Variants in KCTD1 observed in about 807,000 individuals in gnomAD.
The protein encoded by KCTD1 is potassium channel tetramerization domain containing 1, also known as BTB/POZ domain-containing protein KCTD1.
In KCTD1, 24 loss-of-function variants were observed where a neutral mutation model predicts 66.0. The observed-to-expected ratio is 0.36, with a 90% CI of 0.26 to 0.51. The LOEUF (loss-of-function observed/expected upper bound fraction) is 0.51. KCTD1 is among the 20% of genes least tolerant of loss of function. KCTD1 has a pLI of 0.95. For synonymous variants in KCTD1, 511 were observed against 517.2 expected (o/e 0.99, Z 0.16); for missense variants, 943 against 1,205.2 (o/e 0.78, Z 3.22).
chr18:26,477,023 T>C (rs1981384669), intron 2 of KCTD1: 1 of 170,618 alleles, frequency 5.9e-6, no homozygotes, highest in Non-Finnish European at 1.2e-5. Context: ...CAAAGCATCT[T>C]TGAAACAGGT....
chr18:26,634,853 G>A (rs558426756), intron 1 of KCTD1, among the ~76,000 whole-genome samples: 9 of 152,218 alleles, frequency 5.9e-5, no homozygotes, highest in East Asian at 1.9e-4. Flanking sequence ...ATCTGAATGC[G>A]GGCAGTCTAA....
chr18:26,603,199 G>C (rs2144974325), intron 1 of KCTD1, among the ~76,000 whole-genome samples: 1 of 152,268 alleles, frequency 6.6e-6, no homozygotes, highest in East Asian at 1.9e-4. Context: ...GGAGGCTGAG[G>C]CAGGTGGATT....
upstream of KCTD1, among the ~76,000 whole-genome samples, chr18:26,641,556 C>G (rs1987834142): frequency 6.6e-6 from 1 of 152,100 alleles, no homozygotes; most frequent in Admixed American, 6.5e-5. Context: ...CCCCACTGGT[C>G]TCCATTGCAG....
intron 1 of KCTD1, among the ~76,000 whole-genome samples, chr18:26,650,631 G>A (rs1988013226): frequency 6.6e-6 from 1 of 152,188 alleles, no homozygotes; most frequent in African/African-American, 2.4e-5. Flanking sequence ...AGATGGAGTG[G>A]GATTTGCATA....
chr18:26,487,855 GA>G (rs1981994658), intron 2 of KCTD1, among the ~76,000 whole-genome samples: 1 of 152,132 alleles, frequency 6.6e-6, no homozygotes, highest in African/African-American at 2.4e-5. Context: ...GCCCTAACCT[GA>G]AAATCATTTC....
intron 1 of KCTD1, among the ~76,000 whole-genome samples, chr18:26,626,740 G>C (rs1293683345): frequency 6.6e-6 from 1 of 152,086 alleles, no homozygotes; most frequent in Non-Finnish European, 1.5e-5. Flanking sequence ...CTTCCAAAGT[G>C]CTGGGAATAT....
At chr18:26,656,497 G>A (rs1000129241) in intron 1 of KCTD1, among the ~76,000 whole-genome samples, 2 of 152,056 alleles carry the variant, frequency 1.3e-5, no homozygotes, top group African/African-American at 4.8e-5. Flanking sequence ...GGGCTTTAAA[G>A]GCGCCTGGGT....
chr18:26,601,326 TAAAAA>T (rs61521451), intron 1 of KCTD1, among the ~76,000 whole-genome samples: 64 of 93,264 alleles, frequency 6.9e-4, no homozygotes, highest in African/African-American at 2.1e-3. Flanking sequence ...TGTTCATTGG[TAAAAA>T]AAAAAAAAAA....
At chr18:26,589,877 G>A (rs1381879593) in intron 1 of KCTD1, among the ~76,000 whole-genome samples, 1 of 152,084 alleles carries the variant, frequency 6.6e-6, no homozygotes, top group Non-Finnish European at 1.5e-5. Flanking sequence ...GGATGCATGG[G>A]AAGAAACAGC....
upstream of KCTD1, chr18:26,549,555 C>T (rs929296775): frequency 9.0e-6 from 7 of 776,556 alleles, no homozygotes; most frequent in Non-Finnish European, 9.4e-6. Flanking sequence ...GCCCAGGGCG[C>T]CGCCCTCCCT....
At chr18:26,564,632 G>C (rs1985938936) in intron 1 of KCTD1, among the ~76,000 whole-genome samples, 1 of 152,150 alleles carries the variant, frequency 6.6e-6, no homozygotes, top group African/African-American at 2.4e-5. Flanking sequence ...ACTCATGCCT[G>C]TAATCCCAGC....
intron 1 of KCTD1, among the ~76,000 whole-genome samples, chr18:26,577,735 G>T (rs1362660445): frequency 2.0e-5 from 3 of 151,418 alleles, no homozygotes. Context: ...GTTTTTTTTT[G>T]TTTGTTTTTT....
chr18:26,614,971 C>A (rs1987218184), intron 1 of KCTD1, among the ~76,000 whole-genome samples: 1 of 152,212 alleles, frequency 6.6e-6, no homozygotes, highest in Admixed American at 6.5e-5. Flanking sequence ...AGCTTGCCTT[C>A]ATTTATGTTC....
chr18:26,649,598 T>A (rs1448279858), intron 1 of KCTD1, among the ~76,000 whole-genome samples: 1 of 152,174 alleles, frequency 6.6e-6, no homozygotes, highest in Non-Finnish European at 1.5e-5. Flanking sequence ...AACCTCCGCC[T>A]CCTGGGTTCA....
At chr18:26,550,040 C>T (rs533492774), upstream of KCTD1, among the ~76,000 whole-genome samples, 280 of 152,038 alleles carry the variant, frequency 1.8e-3, no homozygotes, top group African/African-American at 6.6e-3. The surrounding 1 kb of genome is among the most constrained non-coding windows in gnomAD (Gnocchi z 5.4). Flanking sequence ...CTAACTTTCA[C>T]CTTCTCCCGC....
At chr18:26,519,400 T>C (rs1983809638) in intron 1 of KCTD1, among the ~76,000 whole-genome samples, 1 of 152,250 alleles carries the variant, frequency 6.6e-6, no homozygotes, top group Non-Finnish European at 1.5e-5. Flanking sequence ...CAGTATCTTA[T>C]GGAAAAATGT....
chr18:26,579,534 G>A (rs1287828717), intron 1 of KCTD1, among the ~76,000 whole-genome samples: 1 of 152,144 alleles, frequency 6.6e-6, no homozygotes, highest in African/African-American at 2.4e-5. Context: ...TTTCCCCTAA[G>A]AGGAGGCTTA....
intron 1 of KCTD1, among the ~76,000 whole-genome samples, chr18:26,513,943 A>G (rs919825338): frequency 6.6e-6 from 1 of 152,248 alleles, no homozygotes; most frequent in Non-Finnish European, 1.5e-5. Flanking sequence ...TTACATTTTA[A>G]TCACTACTGC....
intron 1 of KCTD1, among the ~76,000 whole-genome samples, chr18:26,591,190 AATT>A (rs759784550): frequency 2.0e-5 from 3 of 151,914 alleles, no homozygotes; most frequent in Non-Finnish European, 2.9e-5. Context: ...TACACCAGCT[AATT>A]ATTATTATTT....
Sources: gnomAD v4.1 joint callset for allele counts (sites outside exome capture counted in the v4.1 genomes callset) on GRCh38, gnomAD v4.1.1 for gene constraint, Gnocchi (gnomAD v3.1) non-coding constraint, MANE v1.5 for transcripts, NCBI Gene and HGNC (gene_info 2026-07-23, HGNC 2026-07-21) for gene names.